The following PARD3 variants were observed in gnomAD, a reference collection of about 807,000 sequenced individuals.
PARD3 encodes par-3 family cell polarity regulator, also known as partitioning defective 3 homolog.
Under a neutral mutation model 155.4 loss-of-function variants are expected in PARD3, and 75 were observed. The observed-to-expected ratio is 0.48, with a 90% CI of 0.40 to 0.58. The LOEUF (loss-of-function observed/expected upper bound fraction) is 0.58, where lower values mean the gene tolerates loss of function less well. Among genes scored for constraint, PARD3 ranks in the 20% least tolerant of loss-of-function variants. The pLI, the probability that PARD3 is intolerant of heterozygous loss-of-function variation, is 0.00. For synonymous variants in PARD3, 576 were observed against 610.5 expected, an observed-to-expected ratio of 0.94 and a Z score of 0.83; for missense variants, 1,642 against 1,721.7, an observed-to-expected ratio of 0.95 and a Z score of 0.82.
chr10:34,446,154 G>C (rs563870003), intron 5 of PARD3, among the ~76,000 whole-genome samples: 1 of 152,140 alleles, frequency 6.6e-6, no homozygotes, highest in Non-Finnish European at 1.5e-5. Context: ...GCAAGGATGT[G>C]GCTCTGAAAG....
intron 18 of PARD3, among the ~76,000 whole-genome samples, chr10:34,334,231 T>G (rs1367699956): frequency 6.6e-6 from 1 of 151,330 alleles, no homozygotes; most frequent in Admixed American, 6.6e-5. Context: ...GGAGAAATAT[T>G]TATCCCCAAA....
chr10:34,463,321 A>G (rs1337058054), intron 4 of PARD3, among the ~76,000 whole-genome samples: 1 of 101,318 alleles, frequency 9.9e-6, no homozygotes, highest in African/African-American at 3.9e-5. Context: ...GGAAGGGGAA[A>G]GGGAAAGGAA....
At chr10:34,537,438 G>A (rs1413017548) in intron 2 of PARD3, among the ~76,000 whole-genome samples, 1 of 152,200 alleles carries the variant, frequency 6.6e-6, no homozygotes, top group Non-Finnish European at 1.5e-5. Flanking sequence ...AAGGAAATAA[G>A]AGCAGTACTA....
intron 22 of PARD3, among the ~76,000 whole-genome samples, chr10:34,152,720 T>C (rs748996650): frequency 2.0e-5 from 3 of 152,252 alleles, no homozygotes; most frequent in South Asian, 4.1e-4. Flanking sequence ...AGAACTGGCA[T>C]AGAACAGTAT....
intron 20 of PARD3, among the ~76,000 whole-genome samples, chr10:34,310,399 T>A (rs1957641659): frequency 6.6e-6 from 1 of 152,242 alleles, no homozygotes; most frequent in Admixed American, 6.5e-5. Flanking sequence ...AGCCTGGAAT[T>A]GAAATTGACT....
intron 5 of PARD3, among the ~76,000 whole-genome samples, chr10:34,410,018 T>G (rs1000643276): frequency 2.0e-5 from 3 of 152,184 alleles, no homozygotes; most frequent in African/African-American, 7.2e-5. Context: ...AGTATCTATC[T>G]CAGAGTTTCC....
At chr10:34,635,667 C>T (rs1298541604) in intron 2 of PARD3, among the ~76,000 whole-genome samples, 6 of 152,162 alleles carry the variant, frequency 3.9e-5, no homozygotes, top group Non-Finnish European at 7.4e-5. Context: ...CGATGAGATA[C>T]TTGTTTTAGT....
intron 4 of PARD3, among the ~76,000 whole-genome samples, chr10:34,455,058 G>C (rs2077263679): frequency 6.6e-6 from 1 of 152,124 alleles, no homozygotes; most frequent in Non-Finnish European, 1.5e-5. Context: ...CAGCTATTTA[G>C]CTGATGGTCA....
At chr10:34,523,243 C>A (rs185306067) in intron 2 of PARD3, among the ~76,000 whole-genome samples, 1 of 152,138 alleles carries the variant, frequency 6.6e-6, no homozygotes, top group Non-Finnish European at 1.5e-5. Flanking sequence ...ATCTCAAAGA[C>A]CTCTAGGTTC....
intron 2 of PARD3, among the ~76,000 whole-genome samples, chr10:34,596,873 G>A (rs111377549): frequency 1.2e-4 from 19 of 152,126 alleles, no homozygotes; most frequent in African/African-American, 3.4e-4. Flanking sequence ...CTCTCAAGAG[G>A]GACTGCTAAG....
At position 34,709,157 on chromosome 10, in the gene PARD3, C is replaced by T. The variant is rs138105106; in HGVS notation, c.121-12738G>A. Among the ~76,000 whole-genome samples, 134 of 152,058 alleles carry T rather than the reference C, an allele frequency of 8.8e-4. No individual in the cohort carries two copies. The South Asian group carries it at 0.015, about 16-fold the overall frequency. On this transcript the variant is annotated intron_variant, in intron 1 of 24. Coordinates refer to ENST00000374788, the MANE Select transcript of PARD3 (RefSeq NM_001184785.2). The stretch of plus-strand genomic sequence containing the variant: ...ATATTTACATGCACATGAGATTTCT[C>T]GAAGATGGGACCCAAATTTAAACAA...
chr10:34,522,789 T>C (rs1227843382), intron 2 of PARD3, among the ~76,000 whole-genome samples: 5 of 152,226 alleles, frequency 3.3e-5, no homozygotes, highest in Non-Finnish European at 7.3e-5. Flanking sequence ...GTTTTTATTA[T>C]TTCACTTAAC....
intron 2 of PARD3, among the ~76,000 whole-genome samples, chr10:34,550,188 C>T (rs977498211): frequency 4.6e-5 from 7 of 152,202 alleles, no homozygotes; most frequent in African/African-American, 1.2e-4. Context: ...CGTCCTTGCA[C>T]GTCACCACAG....
At chr10:34,762,944 CAT>C (rs1479711736) in intron 1 of PARD3, among the ~76,000 whole-genome samples, 5 of 152,352 alleles carry the variant, frequency 3.3e-5, no homozygotes, top group South Asian at 4.1e-4. Context: ...AACATTATCA[CAT>C]GATTCAAATC....
chr10:34,230,256 C>T lies in PARD3; in HGVS notation c.3419+39401G>A, dbSNP rs572819923. Among the ~76,000 whole-genome samples, 8 of 152,198 alleles carry T rather than the reference C, an allele frequency of 5.3e-5. 1 individual carries two copies. The South Asian group carries it at 8.3e-4, about 16-fold the overall frequency. ...CAGGAAAGCCTCAACATGTGGATTTCCTGAGCAGGGAGAAACACACCAGGG... is the reference window on the plus strand; with the variant it reads ...CAGGAAAGCCTCAACATGTGGATTTTCTGAGCAGGGAGAAACACACCAGGG... On this transcript the variant is annotated intron_variant, in intron 22 of 24. Transcript: ENST00000374788.
At chr10:34,734,377 C>T (rs1054518769) in intron 1 of PARD3, among the ~76,000 whole-genome samples, 1 of 125,990 alleles carries the variant, frequency 7.9e-6, no homozygotes, top group Admixed American at 1.0e-4. Flanking sequence ...GCTCTGTCGC[C>T]CAGGCTGGAG....
At chr10:34,222,940 T>C (rs1564495219) in intron 22 of PARD3, among the ~76,000 whole-genome samples, 3 of 152,220 alleles carry the variant, frequency 2.0e-5, no homozygotes, top group African/African-American at 7.2e-5. Flanking sequence ...GCAGCACTCC[T>C]GCGCCTATTC....
intron 2 of PARD3, among the ~76,000 whole-genome samples, chr10:34,596,870 G>A (rs756251389): frequency 3.3e-5 from 5 of 152,186 alleles, no homozygotes; most frequent in Non-Finnish European, 7.3e-5. Context: ...TAACTCTCAA[G>A]AGGGACTGCT....
At chr10:34,698,929 T>C (rs2094223570) in intron 1 of PARD3, among the ~76,000 whole-genome samples, 1 of 152,218 alleles carries the variant, frequency 6.6e-6, no homozygotes, top group African/African-American at 2.4e-5. Context: ...CTTCCTCCCA[T>C]AACCCCATTC....
Sources: allele counts gnomAD v4.1 joint callset (sites outside exome capture counted in the v4.1 genomes callset), GRCh38; gene constraint gnomAD v4.1.1; transcripts MANE v1.5; gene names NCBI Gene and HGNC (gene_info 2026-07-23, HGNC 2026-07-21).